THSD7B: variants seen among roughly 807,000 people sequenced by gnomAD.
The protein encoded by THSD7B is thrombospondin type 1 domain containing 7B, also known as thrombospondin type-1 domain-containing protein 7B.
In THSD7B, 138 loss-of-function variants were observed where a neutral mutation model predicts 213.6. The observed-to-expected ratio is 0.65, with a 90% CI of 0.56 to 0.74. The LOEUF (loss-of-function observed/expected upper bound fraction) is 0.74. THSD7B is among the 30% of genes least tolerant of loss of function. The pLI is 0.00. For synonymous variants in THSD7B, 742 were observed against 687.0 expected, an observed-to-expected ratio of 1.08 and a Z score of -1.25; for missense variants, 1,931 against 1,991.5, an observed-to-expected ratio of 0.97 and a Z score of 0.58.
intron 2 of THSD7B, among the ~76,000 whole-genome samples, chr2:136,898,526 C>T (rs968488741): frequency 6.6e-6 from 1 of 150,510 alleles, no homozygotes; most frequent in African/African-American, 2.4e-5. Flanking sequence ...TTTACTCCAA[C>T]ATTTACTATC....
intron 1 of THSD7B, among the ~76,000 whole-genome samples, chr2:136,809,970 G>T (rs1470424888): frequency 6.6e-6 from 1 of 152,180 alleles, no homozygotes; most frequent in East Asian, 1.9e-4. Flanking sequence ...TGATTCATCA[G>T]CCCAGAGCAG....
chr2:137,286,924 G>A (rs775429994), intron 12 of THSD7B, among the ~76,000 whole-genome samples: 2 of 152,130 alleles, frequency 1.3e-5, no homozygotes, highest in Non-Finnish European at 2.9e-5. Flanking sequence ...ACTTGAAGAC[G>A]AGAGGACATG....
intron 2 of THSD7B, among the ~76,000 whole-genome samples, chr2:136,928,275 C>A (rs1348983459): frequency 6.6e-6 from 1 of 152,122 alleles, no homozygotes; most frequent in African/African-American, 2.4e-5. Flanking sequence ...ATTCACTGAA[C>A]GCTGTACTAA....
At chr2:137,491,199 C>T (rs527793971) in intron 15 of THSD7B, among the ~76,000 whole-genome samples, 5 of 152,286 alleles carry the variant, frequency 3.3e-5, no homozygotes, top group Admixed American at 6.5e-5. Flanking sequence ...GAAGGAAACA[C>T]GTCTCCCTAA....
chr2:137,660,791 A>G lies in THSD7B; in HGVS notation c.4458+1045A>G, dbSNP rs764419311. Among the ~76,000 whole-genome samples, 28 of 152,304 alleles carry G rather than the reference A, an allele frequency of 1.8e-4. 1 individual carries two copies. The highest frequency in any genetic ancestry group is 7.8e-4 in the Admixed American group (12 of 15,302). On this transcript the variant is annotated intron_variant, in intron 25 of 27. Transcript: ENST00000409968. ...TAGATATCTCCACTGTGATATGAAG[A>G]TATCATTTTGTGATACTTTCAATTA...
rs1681162219 is a variant in THSD7B at position 137,563,336 on chromosome 2, C to G, written c.3254C>G (p.Thr1085Arg). 2 of 1,613,080 alleles carry G rather than the reference C, an allele frequency of 1.2e-6. No individual in the cohort carries two copies. Among genetic ancestry groups the G allele is most frequent in the Non-Finnish European group, 1.7e-6 (2 of 1,179,488 alleles). Residue 1085 changes from threonine to arginine, a missense_variant, in exon 16 of 28, where the codon ACA (threonine) becomes AGA (arginine). Thr to Arg is a moderately conservative substitution (Grantham distance 71). Coordinates refer to ENST00000409968, the MANE Select transcript of THSD7B (RefSeq NM_001316349.2). ...ELRSLRCGGG[T>R]QSRKIRCVNT... ...AGGTCCCTGCGCTGTGGAGGAGGAA[C>G]ACAATCTAGGAAAATCAGGTGTGTG...
At chr2:137,576,961 T>C (rs1305598654) in intron 17 of THSD7B, among the ~76,000 whole-genome samples, 1 of 152,068 alleles carries the variant, frequency 6.6e-6, no homozygotes, top group Non-Finnish European at 1.5e-5. Flanking sequence ...AGAGCTTAGC[T>C]CTAAGCACTT....
At chr2:137,013,764 C>T (rs1283328870) in intron 2 of THSD7B, among the ~76,000 whole-genome samples, 2 of 152,148 alleles carry the variant, frequency 1.3e-5, no homozygotes, top group African/African-American at 2.4e-5. Flanking sequence ...CAGAGCCAGG[C>T]TGGTGTGTGT....
chr2:137,205,583 A>G (rs1475434623), intron 7 of THSD7B, among the ~76,000 whole-genome samples: 1 of 152,038 alleles, frequency 6.6e-6, no homozygotes, highest in Non-Finnish European at 1.5e-5. Context: ...ATTTCTGTTA[A>G]GTAGATGTGA....
intron 2 of THSD7B, among the ~76,000 whole-genome samples, chr2:136,953,487 A>T (rs577701520): frequency 1.3e-5 from 2 of 152,310 alleles, no homozygotes; most frequent in Non-Finnish European, 2.9e-5. Flanking sequence ...CCTTATACTT[A>T]AGGATAAGTA....
At chr2:137,653,252 C>T (rs1324693628) in intron 21 of THSD7B, among the ~76,000 whole-genome samples, 1 of 152,028 alleles carries the variant, frequency 6.6e-6, no homozygotes, top group African/African-American at 2.4e-5. Flanking sequence ...ATGTCCCACT[C>T]CCTTCTACCC....
chr2:137,405,968 A>G (rs528201827), intron 13 of THSD7B, among the ~76,000 whole-genome samples, 161 bp downstream of exon 13: 1 of 152,346 alleles, frequency 6.6e-6, no homozygotes, highest in African/African-American at 2.4e-5. Context: ...CCTGGTACGT[A>G]ACAAGTACTC....
At chr2:137,162,704 T>TCCTC (rs924305620) in intron 6 of THSD7B, among the ~76,000 whole-genome samples, 4 of 151,660 alleles carry the variant, frequency 2.6e-5, no homozygotes, top group South Asian at 2.1e-4. Flanking sequence ...TTTCTTTCCT[T>TCCTC]CCTCCCTCCC....
chr2:137,369,068 G>A (rs1685484207), intron 12 of THSD7B, among the ~76,000 whole-genome samples: 1 of 124,552 alleles, frequency 8.0e-6, no homozygotes, highest in Non-Finnish European at 1.6e-5. Context: ...CTTTTTTGAA[G>A]TTGTTTTGAT....
intron 24 of THSD7B, among the ~76,000 whole-genome samples, chr2:137,658,617 G>T (rs1479311436): frequency 6.6e-6 from 1 of 152,110 alleles, no homozygotes. Flanking sequence ...GGTAGAAATA[G>T]GACTGTGTGG....
chr2:137,543,980 T>C (rs1680653331), intron 15 of THSD7B, among the ~76,000 whole-genome samples: 1 of 151,764 alleles, frequency 6.6e-6, no homozygotes, highest in South Asian at 2.1e-4. Flanking sequence ...TTGGTGAAGA[T>C]GTTGAGTAAT....
chr2:137,431,810 T>C (rs1573621930), intron 14 of THSD7B, among the ~76,000 whole-genome samples: 1 of 152,182 alleles, frequency 6.6e-6, no homozygotes, highest in Admixed American at 6.5e-5. Context: ...GAAAGAAATT[T>C]CTGTAATTTT....
At chr2:136,882,406 TG>T in intron 2 of THSD7B, 89 bp downstream of exon 2, 4 of 1,295,314 alleles carry the variant, frequency 3.1e-6, no homozygotes, top group Non-Finnish European at 4.0e-6. Context: ...TCTAAAGTAG[TG>T]GGAAATATCC....
At chr2:137,216,216 A>G (rs1011606554) in intron 7 of THSD7B, among the ~76,000 whole-genome samples, 6 of 151,800 alleles carry the variant, frequency 4.0e-5, no homozygotes, top group South Asian at 2.1e-4. Flanking sequence ...CTTTGCACAC[A>G]TAAGTATAAA....
Sources: gnomAD v4.1 joint callset for allele counts (sites outside exome capture counted in the v4.1 genomes callset) on GRCh38, gnomAD v4.1.1 for gene constraint, MANE v1.5 for transcripts, NCBI Gene and HGNC (gene_info 2026-07-23, HGNC 2026-07-21) for gene names.